Variants in ST6GALNAC3 observed in about 807,000 individuals in gnomAD.
ST6GALNAC3 encodes the protein alpha-N-acetylgalactosaminide alpha-2,6-sialyltransferase 3.
A neutral mutation model predicts 32.7 loss-of-function variants in ST6GALNAC3; 25 were observed. That is an observed-to-expected ratio of 0.76 (90% CI 0.56 to 1.07). ST6GALNAC3 has a LOEUF of 1.07. Among genes scored for constraint, ST6GALNAC3 ranks in the 50% least tolerant of loss-of-function variants. ST6GALNAC3 has a pLI of 0.00. For synonymous variants in ST6GALNAC3, 129 were observed against 133.1 expected, an observed-to-expected ratio of 0.97 and a Z score of 0.21; for missense variants, 355 against 382.4, an observed-to-expected ratio of 0.93 and a Z score of 0.60.
intron 3 of ST6GALNAC3, among the ~76,000 whole-genome samples, chr1:76,441,750 C>A (rs1415855703): frequency 6.6e-6 from 1 of 152,028 alleles, no homozygotes; most frequent in African/African-American, 2.4e-5. Flanking sequence ...TAACCATTCC[C>A]ACCTCCCCCC....
chr1:76,507,387 A>G (rs971410457), intron 3 of ST6GALNAC3, among the ~76,000 whole-genome samples: 1 of 152,136 alleles, frequency 6.6e-6, no homozygotes, highest in African/African-American at 2.4e-5. Context: ...CAATTTTAGG[A>G]CACTTTCACC....
intron 3 of ST6GALNAC3, among the ~76,000 whole-genome samples, chr1:76,620,681 T>C (rs1648578796): frequency 6.6e-6 from 1 of 152,036 alleles, no homozygotes; most frequent in Non-Finnish European, 1.5e-5. Flanking sequence ...GCTAATCTCA[T>C]GTAAAGCTAA....
At chr1:76,097,573 C>G (rs1039679423) in intron 1 of ST6GALNAC3, among the ~76,000 whole-genome samples, 2 of 152,098 alleles carry the variant, frequency 1.3e-5, no homozygotes, top group African/African-American at 4.8e-5. Context: ...AATAAATTAC[C>G]CAGTCTTGGG....
At chr1:76,368,513 G>T (rs1570987188) in intron 2 of ST6GALNAC3, among the ~76,000 whole-genome samples, 1 of 151,310 alleles carries the variant, frequency 6.6e-6, no homozygotes, top group Non-Finnish European at 1.5e-5. Flanking sequence ...AGTACTGACT[G>T]ATTTCTGGTT....
In ST6GALNAC3 at chr1:76,265,671, C is replaced by T. The variant is rs559130455; in HGVS notation, c.19-48134C>T. On this transcript the variant is annotated intron_variant, in intron 1 of 4. Coordinates refer to ENST00000328299, the MANE Select transcript of ST6GALNAC3 (RefSeq NM_152996.4). ...CTCAGCTGCTTATTGACTGCGTAAC[C>T]TTGTTTGAATCAGTTTCCGTACTTA... Among the ~76,000 whole-genome samples the T allele has an allele frequency of 1.7e-3, 255 of 152,252 alleles. 1 individual carries two copies. The highest frequency in any genetic ancestry group is 5.7e-3 in the African/African-American group (236 of 41,552).
At chr1:76,369,068 C>G (rs1407316666) in intron 2 of ST6GALNAC3, among the ~76,000 whole-genome samples, 1 of 152,082 alleles carries the variant, frequency 6.6e-6, no homozygotes, top group Non-Finnish European at 1.5e-5. Context: ...TTTGATATAT[C>G]TTATTATCAT....
At chr1:76,362,392 A>G (rs1361000616) in intron 2 of ST6GALNAC3, among the ~76,000 whole-genome samples, 1 of 152,138 alleles carries the variant, frequency 6.6e-6, no homozygotes, top group African/African-American at 2.4e-5. Flanking sequence ...TCCAAACCAT[A>G]TCATTCCACC....
intron 3 of ST6GALNAC3, among the ~76,000 whole-genome samples, chr1:76,445,907 A>G (rs934077758): frequency 6.6e-6 from 1 of 152,172 alleles, no homozygotes; most frequent in Admixed American, 6.5e-5. Context: ...GTTCTAAATG[A>G]TATACATATA....
intron 1 of ST6GALNAC3, among the ~76,000 whole-genome samples, chr1:76,081,513 A>C (rs574571562): frequency 1.8e-4 from 27 of 152,178 alleles, no homozygotes; most frequent in African/African-American, 6.0e-4. Flanking sequence ...CAACTTCCTA[A>C]TCTGGTGGCC....
chr1:76,395,807 C>T (rs1015377747), intron 2 of ST6GALNAC3, among the ~76,000 whole-genome samples: 4 of 152,044 alleles, frequency 2.6e-5, no homozygotes, highest in African/African-American at 9.7e-5. Context: ...TGATAGTTAC[C>T]AGAGTTTTGG....
chr1:76,537,472 G>A (rs1267678535), intron 3 of ST6GALNAC3, among the ~76,000 whole-genome samples: 1 of 152,010 alleles, frequency 6.6e-6, no homozygotes, highest in African/African-American at 2.4e-5. Flanking sequence ...TAAGATCAGA[G>A]CAGAATTGAA....
intron 3 of ST6GALNAC3, among the ~76,000 whole-genome samples, chr1:76,466,113 A>G (rs1418741881): frequency 3.3e-5 from 5 of 152,070 alleles, no homozygotes; most frequent in Admixed American, 3.3e-4. Context: ...ATGGTTTGTA[A>G]TAGCCTTAAT....
intron 3 of ST6GALNAC3, among the ~76,000 whole-genome samples, chr1:76,496,657 C>A (rs908564925): frequency 6.6e-6 from 1 of 152,042 alleles, no homozygotes; most frequent in African/African-American, 2.4e-5. Context: ...AGAGAGGACA[C>A]CCATCTCAAA....
At chr1:76,402,772 C>T (rs1369277608) in intron 2 of ST6GALNAC3, among the ~76,000 whole-genome samples, 1 of 152,104 alleles carries the variant, frequency 6.6e-6, no homozygotes, top group Non-Finnish European at 1.5e-5. Context: ...TATAAGAGAA[C>T]CTAGAGTGAA....
chr1:76,602,915 T>A (rs1393288318), intron 3 of ST6GALNAC3, among the ~76,000 whole-genome samples: 1 of 150,630 alleles, frequency 6.6e-6, no homozygotes, highest in African/African-American at 2.4e-5. Flanking sequence ...TGCAAAAAAA[T>A]ATGCAATAAC....
intron 3 of ST6GALNAC3, among the ~76,000 whole-genome samples, chr1:76,523,287 A>T (rs1351571023): frequency 6.6e-6 from 1 of 151,822 alleles, no homozygotes; most frequent in Non-Finnish European, 1.5e-5. Context: ...CATGTTATTC[A>T]TTTTTTTTAT....
At chr1:76,565,523 A>G (rs1001800622) in intron 3 of ST6GALNAC3, among the ~76,000 whole-genome samples, 6 of 152,102 alleles carry the variant, frequency 3.9e-5, no homozygotes, top group Non-Finnish European at 8.8e-5. Context: ...CCTCGAAGTC[A>G]TCTCCTTCTT....
intron 1 of ST6GALNAC3, among the ~76,000 whole-genome samples, chr1:76,083,330 G>T (rs1646923263): frequency 6.6e-6 from 1 of 152,276 alleles, no homozygotes; most frequent in African/African-American, 2.4e-5. Flanking sequence ...TGTGATTCCT[G>T]GTGCTGTTTG....
chr1:76,352,428 A>C (rs1247341054), intron 2 of ST6GALNAC3, among the ~76,000 whole-genome samples: 1 of 149,548 alleles, frequency 6.7e-6, no homozygotes, highest in Non-Finnish European at 1.5e-5. Context: ...ATAGTAAGGC[A>C]TTCAGAACTG....
Sources: gnomAD v4.1 joint callset for allele counts (sites outside exome capture counted in the v4.1 genomes callset) on GRCh38, gnomAD v4.1.1 for gene constraint, MANE v1.5 for transcripts, NCBI Gene and HGNC (gene_info 2026-07-23, HGNC 2026-07-21) for gene names.